MYOCOS: variants seen among roughly 807,000 people sequenced by gnomAD.
MYOCOS encodes the protein myocilin opposite strand protein.
At chr1:171,619,115 T>A (rs1652507065), upstream of MYOCOS, among the ~76,000 whole-genome samples, 2 of 152,242 alleles carry the variant, frequency 1.3e-5, no homozygotes, top group African/African-American at 4.8e-5. Flanking sequence ...TACCCATATA[T>A]GTATTTGGTG....
At chr1:171,608,454 G>A (rs991625778) in intron 1 of MYOCOS, among the ~76,000 whole-genome samples, 3 of 105,106 alleles carry the variant, frequency 2.9e-5, no homozygotes, top group African/African-American at 7.5e-5. Context: ...GCCTTGCTGT[G>A]TTGCCCAGGC....
chr1:171,622,573 A>G (rs1558082549), intron 1 of MYOCOS, among the ~76,000 whole-genome samples: 1 of 152,220 alleles, frequency 6.6e-6, no homozygotes, highest in Non-Finnish European at 1.5e-5. Context: ...TTATATGCTA[A>G]GCTGACCTGG....
At chr1:171,609,329 T>C (rs187182609) in intron 1 of MYOCOS, among the ~76,000 whole-genome samples, 58 of 152,366 alleles carry the variant, frequency 3.8e-4, no homozygotes, top group African/African-American at 1.4e-3. Context: ...TAGAGTCAAG[T>C]ATCCCTGCTG....
At chr1:171,606,619 C>T (rs1428794867) in intron 1 of MYOCOS, among the ~76,000 whole-genome samples, 1 of 152,208 alleles carries the variant, frequency 6.6e-6, no homozygotes, top group Non-Finnish European at 1.5e-5. Flanking sequence ...CACGAAACCC[C>T]TGTCACTTAT....
chr1:171,619,109 C>A (rs575713565), upstream of MYOCOS, among the ~76,000 whole-genome samples: 1 of 152,046 alleles, frequency 6.6e-6, no homozygotes, highest in Non-Finnish European at 1.5e-5. Context: ...TTATTTTACC[C>A]ATATATGTAT....
chr1:171,621,897 A>T (rs780898246), upstream of MYOCOS, among the ~76,000 whole-genome samples: 16 of 152,162 alleles, frequency 1.1e-4, no homozygotes, highest in Non-Finnish European at 2.2e-4. Context: ...GGCAAAATTA[A>T]GGATTGTTTG....
upstream of MYOCOS, among the ~76,000 whole-genome samples, chr1:171,617,526 G>T (rs189728713): frequency 6.6e-6 from 1 of 152,294 alleles, no homozygotes; most frequent in East Asian, 1.9e-4. Context: ...ATGCTTCAAG[G>T]AGGAGTGAGT....
upstream of MYOCOS, among the ~76,000 whole-genome samples, chr1:171,618,902 A>C (rs1357175902): frequency 6.6e-6 from 1 of 152,026 alleles, no homozygotes; most frequent in African/African-American, 2.4e-5. Flanking sequence ...TGCCATGAGT[A>C]TCCCCCTTTT....
chr1:171,619,934 A>C (rs80203593), upstream of MYOCOS, among the ~76,000 whole-genome samples: 6,310 of 151,278 alleles, frequency 0.042, 410 homozygotes, highest in African/African-American at 0.14. Flanking sequence ...CAAAATATGT[A>C]AGAAGCCCCT....
At chr1:171,613,859 C>T (rs1000153683) in intron 1 of MYOCOS, among the ~76,000 whole-genome samples, 3 of 149,606 alleles carry the variant, frequency 2.0e-5, no homozygotes, top group Non-Finnish European at 4.4e-5. Flanking sequence ...TCAGCTTTTA[C>T]TGCCCTTTGG....
intron 2 of MYOCOS, among the ~76,000 whole-genome samples, chr1:171,625,844 G>A (rs557411242): frequency 2.0e-5 from 3 of 152,318 alleles, no homozygotes; most frequent in East Asian, 3.9e-4. Flanking sequence ...AAGAACTACT[G>A]CTCTAATCCT....
upstream of MYOCOS, among the ~76,000 whole-genome samples, chr1:171,620,729 T>C (rs1652546538): frequency 6.6e-6 from 1 of 151,934 alleles, no homozygotes; most frequent in Admixed American, 6.6e-5. Context: ...CTTTGAGTTG[T>C]CCTGTCTTTC....
At chr1:171,617,458 AGTT>A (rs1652471641), upstream of MYOCOS, among the ~76,000 whole-genome samples, 1 of 152,148 alleles carries the variant, frequency 6.6e-6, no homozygotes, top group African/African-American at 2.4e-5. Flanking sequence ...TCTGAGAAAG[AGTT>A]GCCAGTGACT....
intron 2 of MYOCOS, among the ~76,000 whole-genome samples, chr1:171,615,944 A>G (rs952161878): frequency 2.0e-5 from 3 of 151,990 alleles, no homozygotes; most frequent in Admixed American, 2.0e-4. Flanking sequence ...GGGGCCAGGC[A>G]CAGTAGCTCA....
intron 1 of MYOCOS, among the ~76,000 whole-genome samples, chr1:171,613,376 C>T (rs1418739967): frequency 6.6e-6 from 1 of 152,186 alleles, no homozygotes; most frequent in African/African-American, 2.4e-5. Flanking sequence ...AAGTTGAGTT[C>T]TAGTCTCCAA....
chr1:171,619,687 A>G (rs1652517832), upstream of MYOCOS, among the ~76,000 whole-genome samples: 1 of 152,060 alleles, frequency 6.6e-6, no homozygotes, highest in African/African-American at 2.4e-5. Context: ...CATCTCTACT[A>G]AAAATACAAA....
At chr1:171,612,062 G>GTTTCTTTTCTTTTCT (rs535900839) in intron 1 of MYOCOS, among the ~76,000 whole-genome samples, 59 of 151,772 alleles carry the variant, frequency 3.9e-4, no homozygotes, top group African/African-American at 1.2e-3. Context: ...TACCCTTTAG[G>GTTTCTTTTCTTTTCT]TTTCTTTTCT....
At chr1:171,620,916 A>C (rs959899585), upstream of MYOCOS, among the ~76,000 whole-genome samples, 5 of 150,952 alleles carry the variant, frequency 3.3e-5, no homozygotes, top group Admixed American at 6.6e-5. Context: ...ATTACAGGCG[A>C]GTGCCACCAC....
intron 1 of MYOCOS, among the ~76,000 whole-genome samples, chr1:171,603,890 A>G (rs1172247914): frequency 6.6e-6 from 1 of 152,212 alleles, no homozygotes; most frequent in Non-Finnish European, 1.5e-5. Flanking sequence ...ACCTAAACAT[A>G]AAGTCCCCCC....
Sources: gnomAD v4.1 joint callset for allele counts (sites outside exome capture counted in the v4.1 genomes callset) on GRCh38, gnomAD v4.1.1 for gene constraint, MANE v1.5 for transcripts, NCBI Gene and HGNC (gene_info 2026-07-23, HGNC 2026-07-21) for gene names.